RIMBP2: variants seen among roughly 807,000 people sequenced by gnomAD.
RIMBP2 encodes RIMS binding protein 2.
A neutral mutation model predicts 118.6 loss-of-function variants in RIMBP2; 48 were observed. The ratio of observed to expected loss-of-function variants is 0.40; its 90% CI spans 0.32 to 0.51. The LOEUF (loss-of-function observed/expected upper bound fraction) is 0.51, where lower values mean the gene tolerates loss of function less well. RIMBP2 is among the 20% of genes least tolerant of loss of function. The probability of loss-of-function intolerance (pLI) is 0.41; values close to 1 mark genes in which losing one functional copy is unlikely to be tolerated. For synonymous variants in RIMBP2, 762 were observed against 742.9 expected, an observed-to-expected ratio of 1.03 and a Z score of -0.42; for missense variants, 1,551 against 1,768.3, an observed-to-expected ratio of 0.88 and a Z score of 2.20.
chr12:130,438,565 A>C lies in RIMBP2; in HGVS notation c.1505-49T>G, dbSNP rs764463160. 7 of 1,475,256 alleles carry C rather than the reference A, an allele frequency of 4.7e-6. No individual in the cohort carries two copies. The Admixed American group carries it at 1.7e-4, about 35-fold the overall frequency. 91.4% of individuals were successfully genotyped at this position (1,475,256 alleles called of 1,614,324 possible). On this transcript the variant is annotated intron_variant, in intron 11 of 22. Transcript: ENST00000690449. ...GAGGCGTTCAGGGACCAGCCCTGGC[A>C]GGTGAGCCGTGACTGGGCTCTGCCC...
chr12:130,404,473 T>C (rs12315425), intron 21 of RIMBP2, among the ~76,000 whole-genome samples: 15,898 of 152,094 alleles, frequency 0.1, 928 homozygotes, highest in South Asian at 0.2. Flanking sequence ...AATTCTTTTG[T>C]ATTTTCAGTA....
intron 10 of RIMBP2, among the ~76,000 whole-genome samples, chr12:130,444,584 T>C (rs2078379274): frequency 6.6e-6 from 1 of 152,208 alleles, no homozygotes; most frequent in South Asian, 2.1e-4. Flanking sequence ...ATGTTTATTC[T>C]CAAGCTAAAA....
intron 3 of RIMBP2, among the ~76,000 whole-genome samples, chr12:130,513,509 C>A (rs552245822): frequency 1.3e-4 from 3 of 23,258 alleles, no homozygotes; most frequent in Non-Finnish European, 3.1e-4. Context: ...TGGCCCAGTG[C>A]GGGGAGGAGG....
intron 1 of RIMBP2, among the ~76,000 whole-genome samples, chr12:130,632,359 C>G (rs983337974): frequency 6.6e-6 from 1 of 152,106 alleles, no homozygotes; most frequent in African/African-American, 2.4e-5. Flanking sequence ...AACGAGATTA[C>G]AGGAAGTCAC....
At chr12:130,556,209 ACT>A (rs1290827156) in intron 2 of RIMBP2, among the ~76,000 whole-genome samples, 3 of 152,110 alleles carry the variant, frequency 2.0e-5, no homozygotes, top group Non-Finnish European at 4.4e-5. Flanking sequence ...GGCAACGTGC[ACT>A]CTGTCTGCCC....
chr12:130,480,549 A>G (rs2081898571), intron 4 of RIMBP2, among the ~76,000 whole-genome samples: 1 of 152,134 alleles, frequency 6.6e-6, no homozygotes, highest in South Asian at 2.1e-4. Flanking sequence ...TTTATTTTTT[A>G]TTATTTTATT....
intron 2 of RIMBP2, among the ~76,000 whole-genome samples, chr12:130,547,786 G>A (rs181796757): frequency 6.5e-4 from 99 of 152,312 alleles, no homozygotes; most frequent in African/African-American, 2.3e-3. Context: ...GCCTACGCTC[G>A]TTCCCACTCT....
At chr12:130,689,118 C>T (rs1262236295) in intron 1 of RIMBP2, among the ~76,000 whole-genome samples, 4 of 152,218 alleles carry the variant, frequency 2.6e-5, no homozygotes, top group African/African-American at 9.6e-5. Context: ...CACCCACACC[C>T]CTCCATGCCA....
chr12:130,484,461 C>T (rs564003118), intron 4 of RIMBP2, among the ~76,000 whole-genome samples: 4 of 152,342 alleles, frequency 2.6e-5, no homozygotes, highest in Admixed American at 2.0e-4. Context: ...CCATGTTCTC[C>T]ACCTGCCTTA....
At chr12:130,671,897 C>A (rs1479664023) in intron 1 of RIMBP2, among the ~76,000 whole-genome samples, 1 of 152,126 alleles carries the variant, frequency 6.6e-6, no homozygotes, top group East Asian at 1.9e-4. Flanking sequence ...GAAAGTCAGG[C>A]ACCAAAAACA....
rs929783483 is a variant in RIMBP2 at position 130,601,141 on chromosome 12, C to A, written c.-217+27181G>T. The stretch of plus-strand genomic sequence containing the variant: ...TTTGGGAATCAGGGTTTGGTTAACA[C>A]TCTTACTGACAAGGCTCATTCTCTG... On this transcript the variant is annotated intron_variant, in intron 2 of 22. Transcript: ENST00000690449. 4.6e-5 allele frequency among the ~76,000 whole-genome samples: 7 copies of A among 152,046 alleles called. No individual in the cohort carries two copies. In the South Asian group the frequency reaches 1.5e-3, roughly 32 times the overall value.
intron 2 of RIMBP2, among the ~76,000 whole-genome samples, chr12:130,614,654 G>T (rs1182154849): frequency 7.2e-5 from 11 of 151,966 alleles, no homozygotes. Flanking sequence ...CAGTGACGGG[G>T]CAAAGAAAAA....
intron 2 of RIMBP2, among the ~76,000 whole-genome samples, chr12:130,529,617 TGTCAATTTTAC>T (rs775912762): frequency 6.6e-6 from 1 of 152,218 alleles, no homozygotes; most frequent in Non-Finnish European, 1.5e-5. Flanking sequence ...TTTTATGTTA[TGTCAATTTTAC>T]GTCAATTTCT....
chr12:130,454,032 C>A (rs375273860), intron 7 of RIMBP2, among the ~76,000 whole-genome samples: 1 of 152,144 alleles, frequency 6.6e-6, no homozygotes, highest in East Asian at 1.9e-4. Flanking sequence ...CCAGCCTGGG[C>A]GACAGAGCGA....
intron 2 of RIMBP2, among the ~76,000 whole-genome samples, chr12:130,597,566 A>C (rs2059632267): frequency 6.6e-6 from 1 of 152,198 alleles, no homozygotes; most frequent in Admixed American, 6.5e-5. Context: ...AACCAAATAG[A>C]GTTTATCCTG....
chr12:130,714,446 C>A (rs1311716817), intron 1 of RIMBP2, among the ~76,000 whole-genome samples: 9 of 152,224 alleles, frequency 5.9e-5, no homozygotes, highest in African/African-American at 1.2e-4. Context: ...TGCTATGCCC[C>A]GGGGAGGGCT....
chr12:130,671,965 G>A (rs373431113), intron 1 of RIMBP2, among the ~76,000 whole-genome samples: 1 of 152,284 alleles, frequency 6.6e-6, no homozygotes, highest in South Asian at 2.1e-4. Context: ...ATCACATGAT[G>A]CTATGGTCAG....
chr12:130,417,017 A>C (rs963992805), intron 17 of RIMBP2, among the ~76,000 whole-genome samples: 1 of 152,216 alleles, frequency 6.6e-6, no homozygotes, highest in Middle Eastern at 3.2e-3. Context: ...TCATTAGAGA[A>C]ATCCAAGACA....
In RIMBP2 at chr12:130,451,276, A is replaced by C; in HGVS notation, c.423T>G (p.Pro141=). Residue 141 remains proline (P), a synonymous_variant, in exon 8 of 23, where the codon CCT becomes CCG. Coordinates refer to ENST00000690449, the MANE Select transcript of RIMBP2 (RefSeq NM_001393629.1). Reference sequence around the variant, plus strand: ...CGGACAGAGGCTCCGGCCTGTCACCAGGCTGCGGAAGGGGCCGGATATATT... The same window carrying C: ...CGGACAGAGGCTCCGGCCTGTCACCCGGCTGCGGAAGGGGCCGGATATATT... ...IGEYIRPLPQ[P]GDRPEPLSAK... 6.2e-7 allele frequency: 1 copy of C among 1,614,194 alleles called. No individual in the cohort carries two copies. The highest frequency in any genetic ancestry group is 8.5e-7 in the Non-Finnish European group (1 of 1,180,020).
Sources: allele counts gnomAD v4.1 joint callset (sites outside exome capture counted in the v4.1 genomes callset), GRCh38; gene constraint gnomAD v4.1.1; transcripts MANE v1.5; gene names NCBI Gene and HGNC (gene_info 2026-07-23, HGNC 2026-07-21).